Variants in EBF2 observed in about 807,000 individuals in gnomAD.
EBF2 encodes the protein transcription factor COE2.
In EBF2, 21 loss-of-function variants were observed where a neutral mutation model predicts 72.8. That is an observed-to-expected ratio of 0.29 (90% CI 0.20 to 0.42). The LOEUF is 0.42. Ranked by LOEUF, EBF2 falls within the 10% of genes least tolerant of loss-of-function variation. The pLI is 1.00. For missense variants in EBF2, 637 were observed against 731.2 expected, an observed-to-expected ratio of 0.87 and a Z score of 1.49; for synonymous variants, 299 against 274.2, an observed-to-expected ratio of 1.09 and a Z score of -0.89.
chr8:25,858,077 T>C, intron 14 of EBF2: 2 of 645,590 alleles, frequency 3.1e-6, no homozygotes, highest in East Asian at 6.4e-5. Context: ...CACATGCTCT[T>C]TCTCTATAAA....
chr8:25,981,534 G>A (rs539014574), intron 6 of EBF2, among the ~76,000 whole-genome samples: 1 of 152,254 alleles, frequency 6.6e-6, no homozygotes, highest in Admixed American at 6.5e-5. Context: ...GCCCGATGTG[G>A]TGGCTCACGC....
At chr8:25,959,909 C>A (rs7826597) in intron 6 of EBF2, among the ~76,000 whole-genome samples, 2,610 of 152,254 alleles carry the variant, frequency 0.017, 83 homozygotes, top group African/African-American at 0.059. Flanking sequence ...AGTATGGTCC[C>A]ATTCTATGGA....
chr8:25,852,226 C>T (rs1047999737), intron 14 of EBF2, among the ~76,000 whole-genome samples: 1 of 152,146 alleles, frequency 6.6e-6, no homozygotes, highest in Non-Finnish European at 1.5e-5. Flanking sequence ...AATAAGGACA[C>T]AGGGTTAAGC....
rs916084706 is a variant in EBF2, at chr8:26,039,912, G to A, written c.482+116C>T. ...CACTCTGCGCCCGTCTGCCCGCGAGGCCTCCCAGCTGCGAGCGCTCAGTCC... is the reference window on the plus strand; with the variant it reads ...CACTCTGCGCCCGTCTGCCCGCGAGACCTCCCAGCTGCGAGCGCTCAGTCC... On this transcript the variant is annotated intron_variant, in intron 5 of 15. Transcript: ENST00000520164. The A allele has an allele frequency of 3.8e-6, 4 of 1,044,834 alleles. No individual in the cohort carries two copies. The South Asian group carries it at 4.1e-5, about 11-fold the overall frequency. The allele number at this position is 1,044,834 out of a possible 1,614,324, so 64.7% of individuals were successfully genotyped here. A position where few individuals can be genotyped will look rare whatever the true frequency, so the allele number is the denominator to read the frequency against.
At chr8:25,881,139 C>G (rs1336290670) in intron 10 of EBF2, among the ~76,000 whole-genome samples, 1 of 152,214 alleles carries the variant, frequency 6.6e-6, no homozygotes, top group Non-Finnish European at 1.5e-5. Context: ...ACCTGGCTTC[C>G]AAGCCATCCT....
intron 6 of EBF2, among the ~76,000 whole-genome samples, chr8:26,025,603 G>A (rs1299840687): frequency 6.6e-6 from 1 of 152,126 alleles, no homozygotes; most frequent in Non-Finnish European, 1.5e-5. Context: ...ATGAGGAGGA[G>A]AGTCATTTTC....
At chr8:25,948,981 A>G (rs2117166382) in intron 6 of EBF2, among the ~76,000 whole-genome samples, 1 of 152,310 alleles carries the variant, frequency 6.6e-6, no homozygotes. Flanking sequence ...CTGAAAAAAT[A>G]ATAGGTCTTG....
intron 6 of EBF2, among the ~76,000 whole-genome samples, chr8:25,972,020 C>T (rs1409513620): frequency 1.3e-5 from 2 of 152,180 alleles, no homozygotes; most frequent in Admixed American, 6.5e-5. Context: ...AAGGTTAGTG[C>T]TCTGCAAGGG....
At chr8:26,017,255 C>T (rs1011464977) in intron 6 of EBF2, among the ~76,000 whole-genome samples, 9 of 152,066 alleles carry the variant, frequency 5.9e-5, no homozygotes, top group Non-Finnish European at 1.3e-4. Context: ...TGTGCCCACC[C>T]TGTCTAAATA....
intron 6 of EBF2, among the ~76,000 whole-genome samples, chr8:25,916,763 CA>C (rs1803224851): frequency 6.6e-6 from 1 of 152,068 alleles, no homozygotes; most frequent in Non-Finnish European, 1.5e-5. Context: ...CTCTGGCCAG[CA>C]AAAAATTCAG....
chr8:25,882,645 C>T (rs1426768635), intron 10 of EBF2, among the ~76,000 whole-genome samples: 1 of 152,210 alleles, frequency 6.6e-6, no homozygotes, highest in Non-Finnish European at 1.5e-5. Flanking sequence ...ATCATTTAGT[C>T]CTCAGCTCTG....
intron 6 of EBF2, among the ~76,000 whole-genome samples, chr8:25,940,835 G>C (rs151307996): frequency 6.6e-6 from 1 of 152,076 alleles, no homozygotes; most frequent in African/African-American, 2.4e-5. Context: ...TTGAGGGAAG[G>C]CATGTGGAAT....
intron 6 of EBF2, among the ~76,000 whole-genome samples, chr8:25,964,149 G>A (rs1804077897): frequency 6.6e-6 from 1 of 151,578 alleles, no homozygotes; most frequent in Non-Finnish European, 1.5e-5. Flanking sequence ...AGGGGAGGGA[G>A]AAGTGAATTT....
intron 6 of EBF2, among the ~76,000 whole-genome samples, chr8:25,937,291 T>C (rs1803595647): frequency 6.6e-6 from 1 of 152,182 alleles, no homozygotes; most frequent in South Asian, 2.1e-4. Flanking sequence ...AGCACCAACA[T>C]GTTACCCAAG....
At chr8:25,887,312 A>G (rs1386415329) in intron 9 of EBF2, among the ~76,000 whole-genome samples, 3 of 152,116 alleles carry the variant, frequency 2.0e-5, no homozygotes, top group Non-Finnish European at 4.4e-5. Flanking sequence ...GATTTCAAAT[A>G]TTGATCTGGC....
intron 6 of EBF2, among the ~76,000 whole-genome samples, chr8:26,014,846 A>T (rs1250405506): frequency 1.3e-5 from 2 of 152,228 alleles, no homozygotes; most frequent in African/African-American, 4.8e-5. Context: ...AAAAACAGTG[A>T]TCCTAATCAA....
At chr8:25,915,415 A>G (rs1803196927) in intron 6 of EBF2, among the ~76,000 whole-genome samples, 1 of 152,188 alleles carries the variant, frequency 6.6e-6, no homozygotes, top group Admixed American at 6.5e-5. Flanking sequence ...TTCATGTTGC[A>G]AAATAAAACA....
chr8:26,000,751 T>A (rs1168675382), intron 6 of EBF2, among the ~76,000 whole-genome samples: 1 of 152,120 alleles, frequency 6.6e-6, no homozygotes, highest in Non-Finnish European at 1.5e-5. Context: ...AACAAAAGGA[T>A]AAAATAAATT....
At chr8:26,017,795 G>A (rs941751879) in intron 6 of EBF2, among the ~76,000 whole-genome samples, 1 of 152,162 alleles carries the variant, frequency 6.6e-6, no homozygotes, top group South Asian at 2.1e-4. Flanking sequence ...GGGTGTAAAC[G>A]CCAGCCAATC....
Sources: gnomAD v4.1 joint callset for allele counts (sites outside exome capture counted in the v4.1 genomes callset) on GRCh38, gnomAD v4.1.1 for gene constraint, MANE v1.5 for transcripts, NCBI Gene and HGNC (gene_info 2026-07-23, HGNC 2026-07-21) for gene names.